N4BP2L2: variants seen among roughly 807,000 people sequenced by gnomAD.
The protein encoded by N4BP2L2 is NEDD4 binding protein 2 like 2.
Under a neutral mutation model 56.2 loss-of-function variants are expected in N4BP2L2, and 50 were observed. The observed-to-expected ratio is 0.89, with a 90% CI of 0.71 to 1.13. N4BP2L2 has a LOEUF of 1.13. N4BP2L2 is among the 50% of genes most tolerant of loss of function. The pLI is 0.00. For missense variants in N4BP2L2, 689 were observed against 693.8 expected (o/e 0.99, Z 0.08); for synonymous variants, 203 against 223.6 (o/e 0.91, Z 0.82).
chr13:32,442,971 A>G (rs758548874), exon 7 of N4BP2L2: 4 of 1,613,502 alleles, frequency 2.5e-6, no homozygotes, highest in East Asian at 4.5e-5. Context: ...TTTTTAGTCC[A>G]TGGTTTTTTG....
chr13:32,494,210 G>C (rs1490906439), intron 6 of N4BP2L2, among the ~76,000 whole-genome samples: 1 of 152,074 alleles, frequency 6.6e-6, no homozygotes, highest in Non-Finnish European at 1.5e-5. Context: ...TTGAACCTGG[G>C]AGGCGGAGGT....
At chr13:32,469,062 A>G (rs1189872414) in intron 6 of N4BP2L2, among the ~76,000 whole-genome samples, 2 of 152,224 alleles carry the variant, frequency 1.3e-5, no homozygotes, top group Non-Finnish European at 2.9e-5. Flanking sequence ...GAGCTGCTGA[A>G]TAAAACCATA....
chr13:32,437,261 G>C (rs2075637070), intron 8 of N4BP2L2, among the ~76,000 whole-genome samples: 1 of 152,128 alleles, frequency 6.6e-6, no homozygotes, highest in African/African-American at 2.4e-5. Context: ...TGTCTCCATG[G>C]GGAATAAGGA....
chr13:32,447,114 A>C (rs1305526692), intron 6 of N4BP2L2, among the ~76,000 whole-genome samples: 1 of 152,180 alleles, frequency 6.6e-6, no homozygotes, highest in East Asian at 1.9e-4. Flanking sequence ...TAAACAGAAG[A>C]TACTCAGCTG....
At chr13:32,531,154 G>C (rs2054671764) in intron 2 of N4BP2L2, among the ~76,000 whole-genome samples, 1 of 152,146 alleles carries the variant, frequency 6.6e-6, no homozygotes, top group Admixed American at 6.5e-5. Flanking sequence ...AACAGTCCTA[G>C]CCAACATCTT....
At chr13:32,509,305 A>G (rs542719017), downstream of N4BP2L2, 3 of 152,328 alleles carry the variant, frequency 2.0e-5, no homozygotes, top group African/African-American at 7.2e-5. Flanking sequence ...GATATGCTCA[A>G]TCAGTAGGTA....
chr13:32,452,709 C>T (rs764452666), intron 6 of N4BP2L2, among the ~76,000 whole-genome samples: 11 of 152,164 alleles, frequency 7.2e-5, no homozygotes, highest in Non-Finnish European at 1.3e-4. Context: ...AAAAATAACA[C>T]ACACAACTCT....
intron 2 of N4BP2L2, among the ~76,000 whole-genome samples, chr13:32,529,286 A>G (rs1054877922): frequency 6.6e-6 from 1 of 152,240 alleles, no homozygotes; most frequent in Non-Finnish European, 1.5e-5. Context: ...TAAAATGCCA[A>G]TTAAAAACTG....
chr13:32,438,224 A>G (rs2075745226), intron 8 of N4BP2L2, among the ~76,000 whole-genome samples: 3 of 152,230 alleles, frequency 2.0e-5, no homozygotes, highest in Admixed American at 2.0e-4. Flanking sequence ...AATGAACACC[A>G]TAGCTTGTAC....
At chr13:32,480,521 T>C in intron 6 of N4BP2L2, 3 of 894,876 alleles carry the variant, frequency 3.4e-6, no homozygotes, top group South Asian at 3.0e-5. Context: ...GACTTTTTTC[T>C]ACATAATTTT....
chr13:32,505,925 T>C (rs1227566167), downstream of N4BP2L2: 1 of 152,226 alleles, frequency 6.6e-6, no homozygotes, highest in Non-Finnish European at 1.5e-5. Flanking sequence ...AAATACTTCT[T>C]CTGGCCTCTA....
chr13:32,485,221 C>T (rs145740399), intron 6 of N4BP2L2, among the ~76,000 whole-genome samples: 193 of 152,130 alleles, frequency 1.3e-3, no homozygotes, highest in African/African-American at 4.3e-3. Context: ...ACTTTTTACC[C>T]ACACAAAAAG....
chr13:32,493,836 C>T (rs1433033301), intron 6 of N4BP2L2, among the ~76,000 whole-genome samples: 1 of 152,234 alleles, frequency 6.6e-6, no homozygotes. Flanking sequence ...GCTAATGTTA[C>T]TCACTATAAT....
chr13:32,491,635 A>ATTT (rs3075001), intron 6 of N4BP2L2, among the ~76,000 whole-genome samples: 4 of 132,506 alleles, frequency 3.0e-5, no homozygotes, highest in East Asian at 2.1e-4. Flanking sequence ...ATATATATAT[A>ATTT]TTTTTTTTTT....
exon 7 of N4BP2L2, chr13:32,443,174 T>C (rs776396228): frequency 6.2e-7 from 1 of 1,614,004 alleles, no homozygotes; most frequent in Non-Finnish European, 8.5e-7. Context: ...GAATCCATAG[T>C]TTCAGGTGGA....
chr13:32,528,323 C>T (rs566445573), intron 2 of N4BP2L2, among the ~76,000 whole-genome samples: 5 of 152,190 alleles, frequency 3.3e-5, no homozygotes, highest in African/African-American at 7.2e-5. Context: ...TAGTGAAAGT[C>T]GGAAATAGTT....
intron 6 of N4BP2L2, among the ~76,000 whole-genome samples, chr13:32,465,325 G>A (rs2081039974): frequency 1.3e-5 from 2 of 152,094 alleles, no homozygotes; most frequent in African/African-American, 4.8e-5. Context: ...CAATCACTGT[G>A]GAAAACATTA....
intron 6 of N4BP2L2, among the ~76,000 whole-genome samples, chr13:32,472,152 G>A (rs148787907): frequency 2.6e-5 from 4 of 152,164 alleles, no homozygotes; most frequent in Admixed American, 6.5e-5. Context: ...CGTAAAGAGC[G>A]GATTAATAAA....
intron 5 of N4BP2L2, among the ~76,000 whole-genome samples, 171 bp downstream of exon 5, chr13:32,521,202 G>A (rs904717129): frequency 2.0e-5 from 3 of 152,064 alleles, no homozygotes; most frequent in Admixed American, 1.3e-4. Flanking sequence ...GATGAAGGCA[G>A]AAGGACAATG....
Sources: allele counts gnomAD v4.1 joint callset (sites outside exome capture counted in the v4.1 genomes callset), GRCh38; gene constraint gnomAD v4.1.1; transcripts MANE v1.5; gene names NCBI Gene and HGNC (gene_info 2026-07-23, HGNC 2026-07-21).